GTF2H3: variants seen among roughly 807,000 people sequenced by gnomAD.
GTF2H3 encodes the protein TFIIH basal transcription factor complex p34 subunit.
A neutral mutation model predicts 51.1 loss-of-function variants in GTF2H3; 42 were observed. That is an observed-to-expected ratio of 0.82 (90% CI 0.64 to 1.06). The LOEUF is 1.06. Ranked by LOEUF, GTF2H3 falls within the 50% of genes least tolerant of loss-of-function variation. The pLI is 0.00. For synonymous variants in GTF2H3, 123 were observed against 123.8 expected, an observed-to-expected ratio of 0.99 and a Z score of 0.04; for missense variants, 326 against 366.1, an observed-to-expected ratio of 0.89 and a Z score of 0.89.
intron 4 of GTF2H3, chr12:123,649,414 G>A (rs1955492482): frequency 6.6e-6 from 1 of 152,284 alleles, no homozygotes; most frequent in African/African-American, 2.4e-5. Context: ...ATATCCCCCA[G>A]TTGTGACAAC....
chr12:123,652,596 C>A, intron 6 of GTF2H3, 35 bp downstream of exon 6: 1 of 1,502,324 alleles, frequency 6.7e-7, no homozygotes, highest in Non-Finnish European at 9.1e-7. Flanking sequence ...GAACTGTAAT[C>A]CTACTTATTT....
At chr12:123,660,000 T>C (rs764446711) in intron 11 of GTF2H3, 46 bp from the exon 12 acceptor site, 7 of 1,595,130 alleles carry the variant, frequency 4.4e-6, no homozygotes, top group Non-Finnish European at 6.0e-6. Context: ...CTCAGCTGTG[T>C]TGTTTTTCAG....
At chr12:123,657,775 A>G (rs1024955621) in intron 9 of GTF2H3, among the ~76,000 whole-genome samples, 3 of 152,230 alleles carry the variant, frequency 2.0e-5, no homozygotes, top group Non-Finnish European at 4.4e-5. Flanking sequence ...GTGTAAATGA[A>G]TCTAACGGAC....
intron 2 of GTF2H3, among the ~76,000 whole-genome samples, chr12:123,644,673 A>C (rs1345616269): frequency 1.3e-5 from 2 of 152,128 alleles, no homozygotes; most frequent in East Asian, 3.8e-4. Context: ...TCAAAAAAAA[A>C]AAAAAGTTTT....
intron 5 of GTF2H3, among the ~76,000 whole-genome samples, chr12:123,652,010 T>C: frequency 6.6e-6 from 1 of 152,166 alleles, no homozygotes; most frequent in Non-Finnish European, 1.5e-5. Flanking sequence ...GAACAGTGTT[T>C]GATTTTTAAA....
intron 4 of GTF2H3, among the ~76,000 whole-genome samples, chr12:123,648,587 G>C (rs1002604445): frequency 6.6e-6 from 1 of 151,870 alleles, no homozygotes; most frequent in African/African-American, 2.4e-5. Context: ...CCATTTCAGC[G>C]TCCCACAGTC....
intron 12 of GTF2H3, 33 bp from the exon 13 acceptor site, chr12:123,660,133 C>A (rs774437724): frequency 1.9e-6 from 3 of 1,607,596 alleles, no homozygotes; most frequent in Non-Finnish European, 2.5e-6. Flanking sequence ...AGCTCTAGAA[C>A]ATTAAAAAAT....
At chr12:123,634,707 T>A (rs971304663) in intron 1 of GTF2H3, among the ~76,000 whole-genome samples, 1 of 152,080 alleles carries the variant, frequency 6.6e-6, no homozygotes, top group African/African-American at 2.4e-5. Context: ...AGCTTGCGGG[T>A]AGAGGATGGT....
At chr12:123,646,368 C>T (rs1241247808) in intron 3 of GTF2H3, among the ~76,000 whole-genome samples, 1 of 151,522 alleles carries the variant, frequency 6.6e-6, no homozygotes, top group African/African-American at 2.4e-5. Flanking sequence ...AGTGACTGGA[C>T]CTCCTGCCTC....
chr12:123,642,565 G>A lies in GTF2H3; in HGVS notation c.94-2890G>A, dbSNP rs578054997. On this transcript the variant is annotated intron_variant, in intron 2 of 12. Coordinates refer to ENST00000543341, the MANE Select transcript of GTF2H3 (RefSeq NM_001516.5). ...CATATCTTTTGGGGGGACATAATTC[G>A]ACCCACAACAGTTGCTGTAGGGATT... Among the ~76,000 whole-genome samples, 7 of 152,216 alleles carry A rather than the reference G, an allele frequency of 4.6e-5. No individual in the cohort carries two copies. The East Asian group carries it at 5.8e-4, about 13-fold the overall frequency.
At position 123,651,137 on chromosome 12, in the gene GTF2H3, G is replaced by A; in HGVS notation, c.427+81G>A. 4.9e-6 allele frequency: 5 copies of A among 1,021,372 alleles called. No homozygotes were observed. In the Admixed American group the frequency reaches 8.8e-5, roughly 18 times the overall value. The allele number at this position is 1,021,372 out of a possible 1,614,324, so 63.3% of individuals were successfully genotyped here. ...ACTTGTGACATTTCTTAGGACCTTGGGTGCCCATTACTGGGACATGTGAGT... is the reference window on the plus strand; with the variant it reads ...ACTTGTGACATTTCTTAGGACCTTGAGTGCCCATTACTGGGACATGTGAGT... On this transcript the variant is annotated intron_variant, in intron 5 of 12. Coordinates refer to ENST00000543341, the MANE Select transcript of GTF2H3 (RefSeq NM_001516.5).
intron 5 of GTF2H3, 67 bp downstream of exon 5, chr12:123,651,123 T>C (rs1289406639): frequency 8.4e-7 from 1 of 1,191,842 alleles, no homozygotes; most frequent in East Asian, 2.3e-5. Context: ...CTTGTGACAT[T>C]TCTTAGGACC....
chr12:123,651,228 T>C, intron 5 of GTF2H3, 172 bp downstream of exon 5: 1 of 502,100 alleles, frequency 2.0e-6, no homozygotes, highest in Non-Finnish European at 3.6e-6. Context: ...TTTTTCTTTT[T>C]TTGAGACAGT....
chr12:123,650,813 A>G (rs1182418515), intron 4 of GTF2H3, among the ~76,000 whole-genome samples, 181 bp from the exon 5 acceptor site: 1 of 152,232 alleles, frequency 6.6e-6, no homozygotes, highest in Admixed American at 6.5e-5. Flanking sequence ...AAAGTTGCTT[A>G]GTTAACCATT....
chr12:123,641,541 G>GT (rs1352235003), intron 2 of GTF2H3, among the ~76,000 whole-genome samples: 1,426 of 138,328 alleles, frequency 0.01, 34 homozygotes, highest in Admixed American at 0.048. Flanking sequence ...TTTTTTTTGT[G>GT]TGTTTTTTTT....
chr12:123,642,105 C>T (rs10846534), intron 2 of GTF2H3, among the ~76,000 whole-genome samples: 21,046 of 151,816 alleles, frequency 0.14, 2,932 homozygotes, highest in African/African-American at 0.36. Flanking sequence ...CCTCCCGCCT[C>T]GGCCTCCCAA....
At chr12:123,640,982 A>C (rs1955362964) in intron 2 of GTF2H3, among the ~76,000 whole-genome samples, 1 of 152,112 alleles carries the variant, frequency 6.6e-6, no homozygotes, top group East Asian at 1.9e-4. Context: ...TTTCTAGTGA[A>C]GTGTTCTATA....
At chr12:123,639,855 A>G (rs761887516) in intron 2 of GTF2H3, 20 of 416,078 alleles carry the variant, frequency 4.8e-5, no homozygotes, top group Admixed American at 7.4e-5. Context: ...ACCTAAGCAG[A>G]TTGCAGGTTT....
intron 2 of GTF2H3, among the ~76,000 whole-genome samples, chr12:123,642,016 G>T (rs1405619745): frequency 6.6e-6 from 1 of 151,450 alleles, no homozygotes. Flanking sequence ...ACCATACCTG[G>T]CTAATTTTTG....
Sources: gnomAD v4.1 joint callset for allele counts (sites outside exome capture counted in the v4.1 genomes callset) on GRCh38, gnomAD v4.1.1 for gene constraint, MANE v1.5 for transcripts, NCBI Gene and HGNC (gene_info 2026-07-23, HGNC 2026-07-21) for gene names.